RPTN: variants seen among roughly 807,000 people sequenced by gnomAD.
RPTN encodes the protein repetin.
In RPTN, 4 loss-of-function variants were observed where a neutral mutation model predicts 3.6. That is an observed-to-expected ratio of 1.12 (90% confidence interval 0.55 to 2.55). The LOEUF (loss-of-function observed/expected upper bound fraction) is 2.55. Among genes scored for constraint, RPTN ranks in the 30% most tolerant of loss-of-function variants. The pLI is 0.02. For synonymous variants in RPTN, 293 were observed against 319.3 expected (o/e 0.92, Z 0.88); for missense variants, 860 against 916.7 (o/e 0.94, Z 0.80).
In RPTN at chr1:152,156,946, TG is replaced by T. The variant is rs775347287; in HGVS notation, c.152del (p.Pro51GlnfsTer8). 5.7e-5 allele frequency: 92 copies of T among 1,613,080 alleles called. No individual in the cohort carries two copies. In the East Asian group the frequency reaches 1.9e-3, roughly 34 times the overall value. On this transcript the variant is annotated frameshift_variant, in exon 3 of 3. Transcript: ENST00000316073. LOFTEE classifies it low-confidence loss of function (END_TRUNC). ...FGDILQRPND[P>X]ETVETILNLL... The stretch of plus-strand genomic sequence containing the variant: ...GGTTCAAGATGGTTTCCACAGTCTC[TG>T]GGTCATTTGGTCTCTGTTAGGAGAT...
At position 152,154,943 on chromosome 1, in the gene RPTN, T is replaced by A. The variant is rs773435135; in HGVS notation, c.2156A>T (p.His719Leu). The change falls in exon 3 of 3, where the codon CAT becomes CTT. Residue 719 changes from histidine (H) to leucine (L), a missense_variant. Physicochemically the swap from His to Leu is moderately conservative, Grantham distance 99. Coordinates refer to ENST00000316073, the MANE Select transcript of RPTN (RefSeq NM_001122965.1). ...QGHQTWDRHS[H>L]ESQEGPCGTQ... ...CCCACATGGACCTTCCTGACTCTCA[T>A]GGCTGTGTCTATCCCAAGTTTGATG... 5 of 1,614,176 alleles carry A rather than the reference T, an allele frequency of 3.1e-6. No homozygotes were observed. The Admixed American group carries it at 5.0e-5, about 16-fold the overall frequency.
Position 152,156,849 on chromosome 1 carries a change from C to T in RPTN, c.250G>A (p.Ala84Thr), listed in dbSNP as rs1255836906. 6.2e-7 allele frequency: 1 copy of T among 1,614,216 alleles called. No homozygotes were observed. The highest frequency in any genetic ancestry group is 8.5e-7 in the Non-Finnish European group (1 of 1,180,034). Residue 84 changes from alanine (A) to threonine (T), a missense_variant, in exon 3 of 3, where the codon GCC becomes ACC. Ala to Thr is a moderately conservative substitution (Grantham distance 58). Transcript: ENST00000316073. ...TTATTGTCTAGCTTATGATAGCAGGCTTGGACCAACTGGAACACCAACAAG... is the reference window on the plus strand; with the variant it reads ...TTATTGTCTAGCTTATGATAGCAGGTTTGGACCAACTGGAACACCAACAAG... Reference protein sequence around the residue: ...YLLLVFQLVQACYHKLDNKSH... With the variant: ...YLLLVFQLVQTCYHKLDNKSH...
chr1:152,157,589 G>GTA, intron 2 of RPTN, among the ~76,000 whole-genome samples, 163 bp downstream of exon 2: 1 of 151,668 alleles, frequency 6.6e-6, no homozygotes, highest in Non-Finnish European at 1.5e-5. Context: ...GTGTGTGTGT[G>GTA]TGTGTGTGTG....
chr1:152,153,619 A>G lies in RPTN; in HGVS notation c.*1125T>C, dbSNP rs1337301804. 1 of 152,264 alleles carries G rather than the reference A, an allele frequency of 6.6e-6. No individual in the cohort carries two copies. Among genetic ancestry groups the G allele is most frequent in the Admixed American group, 6.5e-5 (1 of 15,276 alleles). The allele number at this position is 152,264 out of a possible 1,614,324, so 9.4% of individuals were successfully genotyped here. A position where few individuals can be genotyped will look rare whatever the true frequency, so the allele number is the denominator to read the frequency against. The stretch of plus-strand genomic sequence containing the variant: ...TTATTGCTCATCAATTATTTATTAG[A>G]TATTTTAATACAATTCATAATCTGC... On this transcript the variant is annotated 3_prime_UTR_variant, in exon 3 of 3. Transcript: ENST00000316073.
At chr1:152,157,056 C>T (rs186154922) in intron 2 of RPTN, 96 bp from the exon 3 acceptor site, 546 of 1,051,764 alleles carry the variant, frequency 5.2e-4, no homozygotes, top group East Asian at 1.8e-3. Flanking sequence ...CGGTGCTGCA[C>T]GGACCTTCCT....
chr1:152,157,974 G>C lies in RPTN; in HGVS notation c.-20-65C>G, dbSNP rs930626163. The C allele has an allele frequency of 8.7e-6, 12 of 1,371,992 alleles. No homozygotes were observed. In the East Asian group the frequency reaches 2.8e-4, roughly 32 times the overall value. 85.0% of individuals were successfully genotyped at this position (1,371,992 alleles called of 1,614,324 possible). Reference sequence around the variant, plus strand: ...TGACCACGAGACAGCATTTCCAGAGGGAAAGTGACCCCTCTGGATCTGGGA... The same window carrying C: ...TGACCACGAGACAGCATTTCCAGAGCGAAAGTGACCCCTCTGGATCTGGGA... On this transcript the variant is annotated intron_variant, in intron 1 of 2. Transcript: ENST00000316073.
In RPTN at chr1:152,155,234, T is replaced by C. The variant is rs927705716; in HGVS notation, c.1865A>G (p.Gln622Arg). 1.2e-6 allele frequency: 2 copies of C among 1,614,248 alleles called. No individual in the cohort carries two copies. The highest frequency in any genetic ancestry group is 1.3e-5 in the African/African-American group (1 of 75,070). The change falls in exon 3 of 3, where the codon CAG becomes CGG. Residue 622 changes from glutamine to arginine, a missense_variant. Gln to Arg is a conservative substitution (Grantham distance 43, BLOSUM62 1). Transcript: ENST00000316073. ...TTGGTACCCTTCCTGTCCTGGAGTC[T>C]GTTGACTTAGCCTCCCTGATCTTCC... ...QSGRSGRLSQ[Q>R]TPGQEGYQNQ...
Position 152,155,011 on chromosome 1 carries a change from A to G in RPTN, c.2088T>C (p.Ser696=), listed in dbSNP as rs779930573. The G allele has an allele frequency of 3.1e-6, 5 of 1,612,896 alleles. No homozygotes were observed. In the African/African-American group the frequency reaches 6.7e-5, roughly 22 times the overall value. ...CCCAGTGGCTCAGCCCCTCACCATG[A>G]CTCTGCCTGGTCTGGGCCTGTCTGT... The part of the protein sequence containing the change: ...QGHRQAQTRQ[S]HGEGLSHWAE... The change falls in exon 3 of 3, where the codon AGT becomes AGC. Residue 696 remains serine, a synonymous_variant. Transcript: ENST00000316073.
chr1:152,157,838 A>G lies in RPTN; in HGVS notation c.52T>C (p.Tyr18His), dbSNP rs759724470. Residue 18 changes from tyrosine to histidine, a missense_variant, in exon 2 of 3, where the codon TAT becomes CAT. Tyr to His is a moderately conservative substitution (Grantham distance 83). Coordinates refer to ENST00000316073, the MANE Select transcript of RPTN (RefSeq NM_001122965.1). The part of the protein sequence containing the change: ...ILSVIDVFHK[Y>H]AKGNGDCALL... ...GCACAGTCCCCATTCCCTTTGGCATATTTGTGGAATACGTCAATCACACTG... is the reference window on the plus strand; with the variant it reads ...GCACAGTCCCCATTCCCTTTGGCATGTTTGTGGAATACGTCAATCACACTG... 29 of 1,613,770 alleles carry G rather than the reference A, an allele frequency of 1.8e-5. No homozygotes were observed. The African/African-American group carries it at 2.9e-4, about 16-fold the overall frequency.
chr1:152,155,839 T>A lies in RPTN; in HGVS notation c.1260A>T (p.Arg420=), dbSNP rs1659188393. 2 of 1,609,712 alleles carry A rather than the reference T, an allele frequency of 1.2e-6. No individual in the cohort carries two copies. The highest frequency in any genetic ancestry group is 2.2e-5 in the South Asian group (2 of 90,528). ...GACCGTAGTGAGAACCCTGGCCTTG[T>A]CGGTCCATCTGACTGTAGTGGGAAC... ...GQSSHYSQMD[R]QGQGSHYGQT... The change falls in exon 3 of 3, where the codon CGA becomes CGT. Residue 420 remains arginine (R), a synonymous_variant. Coordinates refer to ENST00000316073, the MANE Select transcript of RPTN (RefSeq NM_001122965.1).
Position 152,156,179 on chromosome 1 carries a change from T to C in RPTN, c.920A>G (p.Tyr307Cys), listed in dbSNP as rs879043404. The C allele has an allele frequency of 6.2e-7, 1 of 1,613,726 alleles. No individual in the cohort carries two copies. The change falls in exon 3 of 3, where the codon TAT (tyrosine) becomes TGT (cysteine). Residue 307 changes from tyrosine to cysteine, a missense_variant. Tyr to Cys is a radical substitution (Grantham distance 194). Transcript: ENST00000316073. ...CTGGCCTTGTCTGTCTGTCTGACCA[T>C]AATGATAACTCTGGTCTTGTCTGTC... ...QTDRQDQSYHYGQTDRQGQSS... is the reference protein window; with the variant it reads ...QTDRQDQSYHCGQTDRQGQSS...
chr1:152,156,940 A>C lies in RPTN; in HGVS notation c.159T>G (p.Thr53=). ...CTAAGAGGTTCAAGATGGTTTCCAC[A>C]GTCTCTGGGTCATTTGGTCTCTGTT... ...DILQRPNDPE[T]VETILNLLDQ... is the part of the protein sequence containing the mutation. The change falls in exon 3 of 3, where the codon ACT becomes ACG. Residue 53 remains threonine, a synonymous_variant. Coordinates refer to ENST00000316073, the MANE Select transcript of RPTN (RefSeq NM_001122965.1). The C allele has an allele frequency of 6.2e-7, 1 of 1,613,640 alleles. No individual in the cohort carries two copies. Among genetic ancestry groups the C allele is most frequent in the Non-Finnish European group, 8.5e-7 (1 of 1,179,764 alleles).
Position 152,154,729 on chromosome 1 carries a change from A to G in RPTN, c.*15T>C, listed in dbSNP as rs1659154917. 7 of 1,612,798 alleles carry G rather than the reference A, an allele frequency of 4.3e-6. No homozygotes were observed. The East Asian group carries it at 1.1e-4, about 26-fold the overall frequency. ...GTTGCTGATGGTTTTGATCCTCTTC[A>G]TGAGTTTGCCTGTCTCATCTCTGAT... On this transcript the variant is annotated 3_prime_UTR_variant, in exon 3 of 3. Coordinates refer to ENST00000316073, the MANE Select transcript of RPTN (RefSeq NM_001122965.1).
chr1:152,155,532 A>G lies in RPTN; in HGVS notation c.1567T>C (p.Tyr523His). The G allele has an allele frequency of 1.9e-6, 3 of 1,610,208 alleles. No individual in the cohort carries two copies. The highest frequency in any genetic ancestry group is 1.7e-6 in the Non-Finnish European group (2 of 1,178,554). Residue 523 changes from tyrosine (Y) to histidine (H), a missense_variant, in exon 3 of 3, where the codon TAT becomes CAT. By Grantham distance (83) the Tyr-to-His change is moderately conservative. Transcript: ENST00000316073. ...TGGCCTTGTCTGTCTGGCTGACCATAGTGGAAACTCTGGCCTTGTCTGTCT... is the reference window on the plus strand; with the variant it reads ...TGGCCTTGTCTGTCTGGCTGACCATGGTGGAAACTCTGGCCTTGTCTGTCT... ...QTDRQGQSFH[Y>H]GQPDRQGQSS...
rs773721296 is a variant in RPTN, at chr1:152,155,774, G to A, written c.1325C>T (p.Pro442Leu). 11 of 1,601,186 alleles carry A rather than the reference G, an allele frequency of 6.9e-6. No homozygotes were observed. The highest frequency in any genetic ancestry group is 1.7e-4 in the Middle Eastern group (1 of 6,020). ...RQGQSSHYGQ[P>L]DRQGQNSHYG... The stretch of plus-strand genomic sequence containing the variant: ...GTGGGAATTCTGGCCTTGTCTGTCT[G>A]GCTGACCATAGTGGGAACTCTGGCC... The change falls in exon 3 of 3, where the codon CCA (proline) becomes CTA (leucine). Residue 442 changes from proline (P) to leucine (L), a missense_variant. Pro to Leu is a moderately conservative substitution (Grantham distance 98). Coordinates refer to ENST00000316073, the MANE Select transcript of RPTN (RefSeq NM_001122965.1).
chr1:152,157,021 A>C, intron 2 of RPTN, 61 bp from the exon 3 acceptor site: 1 of 1,393,674 alleles, frequency 7.2e-7, no homozygotes. Flanking sequence ...TAAGATGTGT[A>C]TCAGTGTTCA....
chr1:152,158,234 AG>A (rs1659244897), intron 1 of RPTN, among the ~76,000 whole-genome samples: 1 of 152,146 alleles, frequency 6.6e-6, no homozygotes, highest in Non-Finnish European at 1.5e-5. Flanking sequence ...GAACAAAAGG[AG>A]GGGAGGCCAG....
rs768956118 is a variant in RPTN, at chr1:152,156,957, G to C, written c.142C>G (p.Pro48Ala). 6.2e-7 allele frequency: 1 copy of C among 1,611,614 alleles called. No homozygotes were observed. Among genetic ancestry groups the C allele is most frequent in the Non-Finnish European group, 8.5e-7 (1 of 1,178,886 alleles). The stretch of plus-strand genomic sequence containing the variant: ...GTTTCCACAGTCTCTGGGTCATTTG[G>C]TCTCTGTTAGGAGATAAAACAAAGA... The part of the protein sequence containing the change: ...LAEFGDILQR[P>A]NDPETVETIL... Residue 48 changes from proline to alanine, a missense_variant, in exon 3 of 3, where the codon CCA (proline) becomes GCA (alanine). Transcript: ENST00000316073.
intron 2 of RPTN, among the ~76,000 whole-genome samples, 180 bp downstream of exon 2, chr1:152,157,558 GGTGTGTGTGTGTGT>G (rs58634415): frequency 9.2e-4 from 128 of 139,644 alleles, no homozygotes; most frequent in East Asian, 1.1e-3. Flanking sequence ...GATACAAGGA[GGTGTGTGTGTGTGT>G]GTGTGTGTGT....
Sources: allele counts gnomAD v4.1 joint callset (sites outside exome capture counted in the v4.1 genomes callset), GRCh38; gene constraint gnomAD v4.1.1; transcripts MANE v1.5; gene names NCBI Gene and HGNC (gene_info 2026-07-23, HGNC 2026-07-21).